The following PLEKHM1 variants were observed in gnomAD, a reference collection of about 807,000 sequenced individuals.
PLEKHM1 encodes the protein pleckstrin homology domain-containing family M member 1.
In PLEKHM1, 28 loss-of-function variants were observed where a neutral mutation model predicts 94.3. That is an observed-to-expected ratio of 0.30 (90% CI 0.22 to 0.41). The LOEUF is 0.41. PLEKHM1 is among the 10% of genes least tolerant of loss of function. The probability of loss-of-function intolerance (pLI) is 1.00; values close to 1 mark genes in which losing one functional copy is unlikely to be tolerated. For synonymous variants in PLEKHM1, 424 were observed against 581.2 expected (o/e 0.73, Z 3.89); for missense variants, 907 against 1,358.6 (o/e 0.67, Z 5.22).
At chr17:45,478,555 G>T (rs986426732) in intron 2 of PLEKHM1, among the ~76,000 whole-genome samples, 1 of 152,232 alleles carries the variant, frequency 6.6e-6, no homozygotes, top group African/African-American at 2.4e-5. Flanking sequence ...TTTTTTACAT[G>T]GACAAGCTTC....
At chr17:45,478,902 C>A (rs908173959) in intron 2 of PLEKHM1, among the ~76,000 whole-genome samples, 2 of 152,138 alleles carry the variant, frequency 1.3e-5, no homozygotes, top group Admixed American at 6.6e-5. Context: ...ACCAGATGGG[C>A]CTCCTCAGAC....
rs777688261 is a variant in PLEKHM1, at chr17:45,454,141, GCTC to G, written c.1708_1710del (p.Glu570del). The G allele has an allele frequency of 4.3e-6, 7 of 1,614,136 alleles. No homozygotes were observed. Among genetic ancestry groups the G allele is most frequent in the South Asian group, 2.2e-5 (2 of 91,092 alleles). The stretch of plus-strand genomic sequence containing the variant: ...AGCGAGCAGTTCTCCACACAGGTGT[GCTC>G]CTCGTTGCTCAGGTAGAGGCGGAAC... On this transcript the variant is annotated inframe_deletion, in exon 7 of 12. Transcript: ENST00000430334.
intron 3 of PLEKHM1, chr17:45,477,480 G>A (rs1353207811): frequency 3.8e-5 from 10 of 264,060 alleles, no homozygotes. Context: ...AATAATCTAA[G>A]GCAGGGTCAG....
intron 5 of PLEKHM1, among the ~76,000 whole-genome samples, chr17:45,462,634 G>T (rs1170152207): frequency 6.6e-6 from 1 of 152,136 alleles, no homozygotes; most frequent in African/African-American, 2.4e-5. Flanking sequence ...TTATAAGGCT[G>T]TTTGGAATGG....
At chr17:45,465,698 A>C (rs4792857) in intron 5 of PLEKHM1, among the ~76,000 whole-genome samples, 31,712 of 149,252 alleles carry the variant, frequency 0.21, 3,503 homozygotes, top group East Asian at 0.33. Context: ...TGACAGAGTG[A>C]GACTCTGCCT....
intron 5 of PLEKHM1, among the ~76,000 whole-genome samples, chr17:45,467,744 G>C (rs1192969770): frequency 2.0e-5 from 3 of 152,080 alleles, no homozygotes; most frequent in Admixed American, 2.0e-4. Context: ...CTGGGCAACA[G>C]AGCAAGACTC....
rs1296579612 is a variant in PLEKHM1, at chr17:45,444,260, G to A, written c.2837+1210C>T. On this transcript the variant is annotated intron_variant, in intron 9 of 11. Transcript: ENST00000430334. The surrounding 1 kb of genome is among the most constrained non-coding windows in gnomAD (Gnocchi z 5.0). ...CAGAGGTTGATTTGAAGCCCATTCT[G>A]GGCAGTAGGCACCGGCAGGCTTCTC... 6.6e-6 allele frequency among the ~76,000 whole-genome samples: 1 copy of A among 152,204 alleles called. No homozygotes were observed. The highest frequency in any genetic ancestry group is 1.5e-5 in the Non-Finnish European group (1 of 68,026).
At chr17:45,486,988 A>G (rs1598015534) in intron 1 of PLEKHM1, among the ~76,000 whole-genome samples, 2 of 152,154 alleles carry the variant, frequency 1.3e-5, no homozygotes, top group African/African-American at 4.8e-5. Context: ...TCTGTCCTCA[A>G]AACGCTCTTC....
chr17:45,471,211 C>T (rs2145298141), intron 4 of PLEKHM1, among the ~76,000 whole-genome samples: 1 of 151,734 alleles, frequency 6.6e-6, no homozygotes, highest in East Asian at 1.9e-4. Flanking sequence ...CAGCATCAGT[C>T]ATCAGAGAAA....
chr17:45,449,939 C>T (rs2050724422), intron 8 of PLEKHM1, among the ~76,000 whole-genome samples: 1 of 148,700 alleles, frequency 6.7e-6, no homozygotes, highest in Non-Finnish European at 1.5e-5. Flanking sequence ...TCCACCCATC[C>T]ACCTACCCAT....
intron 8 of PLEKHM1, 133 bp downstream of exon 8, chr17:45,450,485 G>A: frequency 1.4e-6 from 2 of 1,428,264 alleles, no homozygotes; most frequent in South Asian, 1.2e-5. Context: ...CAACATCACA[G>A]TGCCTGAACC....
chr17:45,476,570 A>AC (rs1332824428), intron 3 of PLEKHM1, among the ~76,000 whole-genome samples: 1 of 152,030 alleles, frequency 6.6e-6, no homozygotes, highest in South Asian at 2.1e-4. Flanking sequence ...GTGCACCAGA[A>AC]CCCCCTGGGG....
chr17:45,464,972 C>T (rs954921599), intron 5 of PLEKHM1, among the ~76,000 whole-genome samples: 11 of 152,020 alleles, frequency 7.2e-5, no homozygotes, highest in Non-Finnish European at 1.6e-4. Context: ...ATGATTTATT[C>T]ACACATCTTG....
chr17:45,458,109 C>A lies in PLEKHM1; in HGVS notation c.1579+60G>T, dbSNP rs933571014. 19 of 1,471,558 alleles carry A rather than the reference C, an allele frequency of 1.3e-5. No homozygotes were observed. The Admixed American group carries it at 3.1e-4, about 24-fold the overall frequency. The allele number at this position is 1,471,558 out of a possible 1,614,324, so 91.2% of individuals were successfully genotyped here. A position where few individuals can be genotyped will look rare whatever the true frequency, so the allele number is the denominator to read the frequency against. On this transcript the variant is annotated intron_variant, in intron 6 of 11. Transcript: ENST00000430334. ...AATGGAAAACAGAACTTCACAGCTG[C>A]CTTCTGAAAGGCCTGGTCCCTGCAG...
chr17:45,439,393 G>A, intron 11 of PLEKHM1, 84 bp downstream of exon 11: 1 of 1,481,074 alleles, frequency 6.8e-7, no homozygotes, highest in Non-Finnish European at 9.4e-7. Flanking sequence ...ACAGAGCGAA[G>A]CCTGCTGCCC....
Position 45,440,303 on chromosome 17 carries a change from C to T in PLEKHM1, c.2838-77G>A, listed in dbSNP as rs2050407578. 3.6e-6 allele frequency: 5 copies of T among 1,406,934 alleles called. No homozygotes were observed. In the African/African-American group the frequency reaches 5.6e-5, roughly 16 times the overall value. 87.2% of individuals were successfully genotyped at this position (1,406,934 alleles called of 1,614,324 possible). A position where few individuals can be genotyped will look rare whatever the true frequency, so the allele number is the denominator to read the frequency against. On this transcript the variant is annotated intron_variant, in intron 9 of 11. Transcript: ENST00000430334. ...AGCCTGTGTTGTTTGTTTACACTCCCCTGGCGCTGCTCACCAGGCAGACAC... is the reference window on the plus strand; with the variant it reads ...AGCCTGTGTTGTTTGTTTACACTCCTCTGGCGCTGCTCACCAGGCAGACAC...
At chr17:45,439,113 C>T (rs1172157497) in intron 11 of PLEKHM1, among the ~76,000 whole-genome samples, 1 of 152,232 alleles carries the variant, frequency 6.6e-6, no homozygotes, top group Non-Finnish European at 1.5e-5. Flanking sequence ...TGTGCCTGGT[C>T]TCATGCCAAC....
At chr17:45,443,490 G>A (rs1458573657) in intron 9 of PLEKHM1, among the ~76,000 whole-genome samples, 1 of 152,256 alleles carries the variant, frequency 6.6e-6, no homozygotes, top group East Asian at 1.9e-4. Flanking sequence ...GAAGCAGGCT[G>A]AGCGCCTAGC....
chr17:45,488,313 C>T (rs2052192098), intron 1 of PLEKHM1, among the ~76,000 whole-genome samples: 1 of 152,172 alleles, frequency 6.6e-6, no homozygotes, highest in South Asian at 2.1e-4. Context: ...CGTTGCCTGA[C>T]CCATTCACCA....
Sources: gnomAD v4.1 joint callset for allele counts (sites outside exome capture counted in the v4.1 genomes callset) on GRCh38, gnomAD v4.1.1 for gene constraint, Gnocchi (gnomAD v3.1) non-coding constraint, MANE v1.5 for transcripts, NCBI Gene and HGNC (gene_info 2026-07-23, HGNC 2026-07-21) for gene names.